The following UGGT2 variants were observed in gnomAD, a reference collection of about 807,000 sequenced individuals.
UGGT2 encodes the protein UDP-glucose:glycoprotein glucosyltransferase 2.
UGGT2 carries 180 observed loss-of-function variants against 192.1 expected under a neutral mutation model. The observed-to-expected ratio is 0.94, with a 90% CI of 0.83 to 1.06. The LOEUF is 1.06. Among genes scored for constraint, UGGT2 ranks in the 50% least tolerant of loss-of-function variants. The pLI, the probability that UGGT2 is intolerant of heterozygous loss-of-function variation, is 0.00. For missense variants in UGGT2, 1,849 were observed against 1,795.7 expected (o/e 1.03, Z -0.54); for synonymous variants, 580 against 591.0 (o/e 0.98, Z 0.27).
intron 13 of UGGT2, among the ~76,000 whole-genome samples, chr13:95,948,602 A>G (rs2049958355): frequency 6.6e-6 from 1 of 152,218 alleles, no homozygotes; most frequent in African/African-American, 2.4e-5. Flanking sequence ...TTATTGGGCT[A>G]ATAAAATTAT....
chr13:95,806,729 T>C (rs1278536170), intron 38 of UGGT2, among the ~76,000 whole-genome samples: 1 of 152,072 alleles, frequency 6.6e-6, no homozygotes, highest in African/African-American at 2.4e-5. Flanking sequence ...CAGAAATAAA[T>C]CCTTGCATAT....
chr13:95,907,290 C>T (rs986353816), intron 20 of UGGT2, among the ~76,000 whole-genome samples: 6 of 152,202 alleles, frequency 3.9e-5, no homozygotes, highest in Non-Finnish European at 5.9e-5. Context: ...CGCAGCTCAG[C>T]GAGGCCTACT....
rs1052994255 is a variant in UGGT2, at chr13:95,856,328, G to A, written c.3838C>T (p.His1280Tyr). ...CGGAATCCATACTCTTTAGCCATGT[G>A]AGGAATTACTTCCTAAAAACACACA... is the stretch of plus-strand genomic sequence containing the variant. The part of the protein sequence containing the change: ...LSPTFKEVIP[H>Y]MAKEYGFRYE... Residue 1280 changes from histidine (H) to tyrosine (Y), a missense_variant, in exon 34 of 39, where the codon CAC becomes TAC. His to Tyr is a moderately conservative substitution (Grantham distance 83). Coordinates refer to ENST00000376747, the MANE Select transcript of UGGT2 (RefSeq NM_020121.4). 2 of 1,602,742 alleles carry A rather than the reference G, an allele frequency of 1.2e-6. No individual in the cohort carries two copies. Among genetic ancestry groups the A allele is most frequent in the African/African-American group, 2.7e-5 (2 of 74,202 alleles).
intron 36 of UGGT2, among the ~76,000 whole-genome samples, chr13:95,847,528 G>T (rs368924561): frequency 1.3e-5 from 2 of 152,054 alleles, no homozygotes; most frequent in African/African-American, 4.8e-5. Flanking sequence ...CTTTTTTCCA[G>T]AATGTCATAT....
At chr13:95,860,719 A>ATT in intron 32 of UGGT2, 69 bp downstream of exon 32, 1 of 1,022,542 alleles carries the variant, frequency 9.8e-7, no homozygotes, top group Non-Finnish European at 1.3e-6. Context: ...ATATTCCTTT[A>ATT]TTTTTTTTTG....
rs763200509 is a variant in UGGT2, at chr13:95,986,318, T to C, written c.1031+15A>G. 1.3e-6 allele frequency: 2 copies of C among 1,530,090 alleles called. No homozygotes were observed. The highest frequency in any genetic ancestry group is 2.3e-5 in the South Asian group (2 of 87,088). 94.8% of individuals were successfully genotyped at this position (1,530,090 alleles called of 1,614,324 possible). On this transcript the variant is annotated intron_variant, in intron 9 of 38. Coordinates refer to ENST00000376747, the MANE Select transcript of UGGT2 (RefSeq NM_020121.4). ...AGAGTTATAGCTGCAATGAAACCTA[T>C]AAACTTTAACATACCTGGCTTTTAT...
intron 4 of UGGT2, among the ~76,000 whole-genome samples, chr13:96,015,342 T>C (rs368619723): frequency 2.3e-4 from 35 of 150,428 alleles, no homozygotes; most frequent in East Asian, 1.4e-3. Context: ...GAGATAAATA[T>C]TGAGGTTGAA....
intron 10 of UGGT2, among the ~76,000 whole-genome samples, chr13:95,975,845 T>C (rs147170131): frequency 6.6e-6 from 1 of 152,262 alleles, no homozygotes; most frequent in East Asian, 1.9e-4. Flanking sequence ...GGGTACATAA[T>C]AGTTGTACAC....
At chr13:95,901,957 A>C (rs1001562867) in intron 21 of UGGT2, among the ~76,000 whole-genome samples, 2 of 152,110 alleles carry the variant, frequency 1.3e-5, no homozygotes, top group Non-Finnish European at 2.9e-5. Context: ...CTTTTAACCA[A>C]GTTCTATCTC....
chr13:95,802,232 A>G (rs1331493613), intron 38 of UGGT2, among the ~76,000 whole-genome samples: 1 of 152,226 alleles, frequency 6.6e-6, no homozygotes, highest in African/African-American at 2.4e-5. Context: ...GTCATCTAAG[A>G]TGGGAGGACA....
chr13:95,940,828 A>G (rs1433387587), intron 15 of UGGT2, among the ~76,000 whole-genome samples: 1 of 152,108 alleles, frequency 6.6e-6, no homozygotes, highest in East Asian at 1.9e-4. Context: ...CCTGGGCTCA[A>G]GCAATCTACC....
intron 26 of UGGT2, among the ~76,000 whole-genome samples, chr13:95,886,925 C>T (rs772020157): frequency 6.6e-6 from 1 of 151,930 alleles, no homozygotes. Flanking sequence ...CGTGGTGGCA[C>T]GTACCTGTAG....
At chr13:95,987,746 C>T (rs1443757461) in intron 8 of UGGT2, among the ~76,000 whole-genome samples, 1 of 152,122 alleles carries the variant, frequency 6.6e-6, no homozygotes, top group East Asian at 1.9e-4. Flanking sequence ...CTAGTCCTAT[C>T]AACCCCTTCT....
At chr13:95,911,729 A>C (rs2048504983) in intron 20 of UGGT2, among the ~76,000 whole-genome samples, 1 of 152,200 alleles carries the variant, frequency 6.6e-6, no homozygotes, top group Non-Finnish European at 1.5e-5. Context: ...TCCCTAACTC[A>C]ACTTATGAGG....
chr13:95,843,322 T>G (rs1448012537), intron 36 of UGGT2, among the ~76,000 whole-genome samples: 1 of 152,234 alleles, frequency 6.6e-6, no homozygotes, highest in Non-Finnish European at 1.5e-5. Context: ...TTCTAATTGG[T>G]GTGTATTCAC....
At chr13:95,822,612 T>G (rs578152473) in intron 38 of UGGT2, among the ~76,000 whole-genome samples, 45 of 152,178 alleles carry the variant, frequency 3.0e-4, no homozygotes, top group Non-Finnish European at 6.0e-4. Flanking sequence ...GTGTTCATAG[T>G]GGTCTCGAAT....
chr13:95,861,855 G>C (rs995414303), intron 31 of UGGT2, among the ~76,000 whole-genome samples: 1 of 149,758 alleles, frequency 6.7e-6, no homozygotes, highest in Non-Finnish European at 1.5e-5. Flanking sequence ...GATGAAAAAA[G>C]TCAAAGCATC....
intron 25 of UGGT2, among the ~76,000 whole-genome samples, 169 bp downstream of exon 25, chr13:95,890,693 A>G (rs991574083): frequency 1.3e-5 from 2 of 152,176 alleles, no homozygotes; most frequent in African/African-American, 4.8e-5. Flanking sequence ...CACAGTCATA[A>G]CAACACCCTG....
Position 95,909,746 on chromosome 13 carries a change from G to GTATAAT in UGGT2, c.2296-6692_2296-6687dup, listed in dbSNP as rs1351950863. On this transcript the variant is annotated intron_variant, in intron 20 of 38. Transcript: ENST00000376747. ...GTGCACATGTACCCTAAAACTTGAAGTATAATAATAATAATAATAATAATA... is the reference window on the plus strand; with the variant it reads ...GTGCACATGTACCCTAAAACTTGAAGTATAATTATAATAATAATAATAATAATAATA... Among the ~76,000 whole-genome samples the GTATAAT allele has an allele frequency of 9.9e-5, 4 of 40,596 alleles. No individual in the cohort carries two copies. The East Asian group carries it at 4.1e-3, about 41-fold the overall frequency. 26.6% of individuals were successfully genotyped at this position (40,596 alleles called of 152,430 possible).
Sources: gnomAD v4.1 joint callset for allele counts (sites outside exome capture counted in the v4.1 genomes callset) on GRCh38, gnomAD v4.1.1 for gene constraint, MANE v1.5 for transcripts, NCBI Gene and HGNC (gene_info 2026-07-23, HGNC 2026-07-21) for gene names.